Variants in DDX4 observed in about 807,000 individuals in gnomAD.
DDX4 encodes DEAD-box helicase 4.
DDX4 carries 25 observed loss-of-function variants against 100.0 expected under a neutral mutation model. The observed-to-expected ratio is 0.25, with a 90% CI of 0.18 to 0.35. The LOEUF (loss-of-function observed/expected upper bound fraction) is 0.35. Ranked by LOEUF, DDX4 falls within the 10% of genes least tolerant of loss-of-function variation. The pLI, the probability that DDX4 is intolerant of heterozygous loss-of-function variation, is 1.00. For missense variants in DDX4, 635 were observed against 882.4 expected (o/e 0.72, Z 3.55); for synonymous variants, 259 against 275.7 (o/e 0.94, Z 0.60).
intron 3 of DDX4, among the ~76,000 whole-genome samples, chr5:55,748,501 T>A (rs1205316385): frequency 5.2e-5 from 6 of 115,442 alleles, no homozygotes; most frequent in African/African-American, 2.0e-4. Context: ...AAAAGCTAAG[T>A]TTTTTTTTTT....
intron 20 of DDX4, 40 bp downstream of exon 20, chr5:55,815,211 C>T: frequency 6.2e-7 from 1 of 1,604,618 alleles, no homozygotes; most frequent in South Asian, 1.1e-5. Flanking sequence ...AGTTTTCTTA[C>T]TTTGTTGTTG....
At chr5:55,783,678 A>ATGGATGG (rs1561500781) in intron 10 of DDX4, among the ~76,000 whole-genome samples, 10 of 84,998 alleles carry the variant, frequency 1.2e-4, no homozygotes, top group South Asian at 1.1e-3. Context: ...TGGATGGATG[A>ATGGATGG]ATGGATGGAT....
At chr5:55,782,115 T>G (rs1345419756) in intron 10 of DDX4, 134 bp downstream of exon 10, 1 of 959,626 alleles carries the variant, frequency 1.0e-6, no homozygotes, top group Admixed American at 2.4e-5. Flanking sequence ...TTTTATACAC[T>G]GTGAGGACCA....
intron 3 of DDX4, among the ~76,000 whole-genome samples, chr5:55,758,497 C>T (rs1760081579): frequency 6.6e-6 from 1 of 152,070 alleles, no homozygotes; most frequent in African/African-American, 2.4e-5. Context: ...TTTGGTAGAA[C>T]TCACCTGTAA....
chr5:55,813,646 A>G, intron 18 of DDX4, 27 bp from the exon 19 acceptor site: 3 of 1,521,646 alleles, frequency 2.0e-6, no homozygotes, highest in Non-Finnish European at 2.6e-6. Flanking sequence ...TTGAAGTTTG[A>G]ATATTAATAA....
chr5:55,738,822 A>T lies in DDX4; in HGVS notation c.-14-128A>T, dbSNP rs908842214. ...GAGACCTAATTCCTTCTTTGGAAAA[A>T]ACTTTTGGGGTATCAGCACCTAGTT... is the stretch of plus-strand genomic sequence containing the variant. On this transcript the variant is annotated intron_variant, in intron 1 of 21. Coordinates refer to ENST00000505374, the MANE Select transcript of DDX4 (RefSeq NM_024415.3). 4 of 664,842 alleles carry T rather than the reference A, an allele frequency of 6.0e-6. No homozygotes were observed. The African/African-American group carries it at 7.3e-5, about 12-fold the overall frequency. The allele number at this position is 664,842 out of a possible 1,614,324, so 41.2% of individuals were successfully genotyped here.
intron 1 of DDX4, 171 bp downstream of exon 1, chr5:55,738,272 G>A (rs1010598356): frequency 1.3e-5 from 2 of 152,456 alleles, no homozygotes; most frequent in Admixed American, 1.3e-4. Flanking sequence ...GTCTGGGCTT[G>A]AGGCCTGCAG....
chr5:55,771,106 G>T (rs1741226960), intron 7 of DDX4, among the ~76,000 whole-genome samples: 1 of 152,000 alleles, frequency 6.6e-6, no homozygotes, highest in African/African-American at 2.4e-5. Context: ...GCATATAGGG[G>T]TCACTCAGAA....
chr5:55,747,946 C>G (rs1759331268), intron 3 of DDX4, among the ~76,000 whole-genome samples: 1 of 152,184 alleles, frequency 6.6e-6, no homozygotes. Flanking sequence ...AAGGGAGCTG[C>G]ATGCTCACTG....
chr5:55,763,215 G>A lies in DDX4; in HGVS notation c.246G>A (p.Met82Ile), dbSNP rs375759934. Residue 82 changes from methionine (M) to isoleucine (I), a missense_variant, in exon 5 of 22, where the codon ATG (methionine) becomes ATA (isoleucine). Met to Ile is a conservative substitution (Grantham distance 10, BLOSUM62 1). Around this residue, in one of 4 missense-constraint regions of DDX4, gnomAD observed 446 missense variants for 540.8 expected, o/e 0.82. Transcript: ENST00000505374. ...ATAAGCGAGATAATACATCCACAAT[G>A]GGTGGTTTTGGAGTTGGAAAGAGTT... Reference protein sequence around the residue: ...ECNKRDNTSTMGGFGVGKSFG... With the variant: ...ECNKRDNTSTIGGFGVGKSFG... The A allele has an allele frequency of 3.1e-6, 5 of 1,612,464 alleles. No homozygotes were observed. The highest frequency in any genetic ancestry group is 4.2e-6 in the Non-Finnish European group (5 of 1,178,956).
intron 10 of DDX4, among the ~76,000 whole-genome samples, chr5:55,783,342 T>A (rs1429835467): frequency 2.0e-5 from 3 of 151,878 alleles, no homozygotes; most frequent in Non-Finnish European, 4.4e-5. Context: ...GAAGGAGGAT[T>A]TCAAGACCTG....
Position 55,785,802 on chromosome 5 carries a change from C to G in DDX4, c.795C>G (p.Gly265=). The G allele has an allele frequency of 1.2e-6, 2 of 1,609,028 alleles. No homozygotes were observed. The highest frequency in any genetic ancestry group is 2.2e-5 in the South Asian group (2 of 90,958). Residue 265 remains glycine, a synonymous_variant, in exon 13 of 22, where the codon GGC becomes GGG. Transcript: ENST00000505374. ...EDSIFAHYQT[G]INFDKYDTIL... Reference sequence around the variant, plus strand: ...CCATCTTTGCACATTATCAGACAGGCATAAACTTCGACAAATACGACACTA... The same window carrying G: ...CCATCTTTGCACATTATCAGACAGGGATAAACTTCGACAAATACGACACTA...
At chr5:55,816,436 T>TTC in intron 21 of DDX4, 27 bp from the exon 22 acceptor site, 3 of 1,038,052 alleles carry the variant, frequency 2.9e-6, no homozygotes, top group Non-Finnish European at 4.1e-6. Context: ...GTTTGTTTCT[T>TTC]TTTTTTTTTT....
intron 3 of DDX4, among the ~76,000 whole-genome samples, chr5:55,752,312 T>A (rs1000532762): frequency 2.1e-5 from 3 of 144,596 alleles, no homozygotes; most frequent in Middle Eastern, 3.2e-3. Context: ...TAGGTATATC[T>A]CCCAATGCTA....
At chr5:55,738,925 T>C (rs887586918) in intron 1 of DDX4, 25 bp from the exon 2 acceptor site, 21 of 1,269,968 alleles carry the variant, frequency 1.7e-5, no homozygotes, top group Non-Finnish European at 2.2e-5. Context: ...AGTCCAAATG[T>C]GCATTTTTTT....
At position 55,815,134 on chromosome 5, in the gene DDX4, A is replaced by G. The variant is rs1377497577; in HGVS notation, c.1949A>G (p.Asn650Ser). 6.2e-7 allele frequency: 1 copy of G among 1,614,238 alleles called. No homozygotes were observed. The highest frequency in any genetic ancestry group is 1.7e-5 in the Admixed American group (1 of 60,028). The change falls in exon 20 of 22, where the codon AAC (asparagine) becomes AGC (serine). Residue 650 changes from asparagine (N) to serine (S), a missense_variant. By Grantham distance (46) the Asn-to-Ser change is conservative. Transcript: ENST00000505374. ...AISFFDLESD[N>S]HLAQPLVKVL... ...TCCTTTTTTGATCTTGAATCGGATA[A>G]CCATTTAGCACAGCCTCTAGTAAAA...
intron 7 of DDX4, among the ~76,000 whole-genome samples, chr5:55,779,075 A>C (rs1461428533): frequency 2.7e-5 from 4 of 149,444 alleles, no homozygotes; most frequent in African/African-American, 9.7e-5. Flanking sequence ...GGAGAAGAGA[A>C]GCATAGGGCA....
intron 9 of DDX4, 127 bp downstream of exon 9, chr5:55,781,273 G>T: frequency 1.5e-6 from 1 of 655,218 alleles, no homozygotes; most frequent in Non-Finnish European, 2.4e-6. Flanking sequence ...TTTTAGATCT[G>T]TAGGTAAAAA....
At chr5:55,779,890 T>A (rs1315117175) in intron 7 of DDX4, 74 bp from the exon 8 acceptor site, 1 of 1,537,640 alleles carries the variant, frequency 6.5e-7, no homozygotes, top group African/African-American at 1.4e-5. Flanking sequence ...AAGGCTTAAA[T>A]TAAATTTGAC....
Sources: allele counts gnomAD v4.1 joint callset (sites outside exome capture counted in the v4.1 genomes callset), GRCh38; gene constraint gnomAD v4.1.1; regional missense constraint gnomAD v4.1.1; transcripts MANE v1.5; gene names NCBI Gene and HGNC (gene_info 2026-07-23, HGNC 2026-07-21).